Variants in CDH18 observed in about 807,000 individuals in gnomAD.
The protein encoded by CDH18 is cadherin-18.
A neutral mutation model predicts 67.9 loss-of-function variants in CDH18; 31 were observed. That is an observed-to-expected ratio of 0.46 (90% CI 0.34 to 0.62). The LOEUF is 0.62. CDH18 is among the 20% of genes least tolerant of loss of function. The pLI is 0.01. For synonymous variants in CDH18, 362 were observed against 347.2 expected (o/e 1.04, Z -0.48); for missense variants, 890 against 975.5 (o/e 0.91, Z 1.17).
chr5:19,562,451 C>CA (rs1159712054), intron 8 of CDH18, among the ~76,000 whole-genome samples: 9 of 151,996 alleles, frequency 5.9e-5, no homozygotes, highest in Admixed American at 5.9e-4. Context: ...AGAAAGCAAA[C>CA]AAAAAACAAA....
Position 19,844,279 on chromosome 5 carries a change from G to A in CDH18, c.-256-5037C>T, listed in dbSNP as rs530528664. Among the ~76,000 whole-genome samples, 16 of 152,226 alleles carry A rather than the reference G, an allele frequency of 1.1e-4. No individual in the cohort carries two copies. In the South Asian group the frequency reaches 2.9e-3, roughly 28 times the overall value. On this transcript the variant is annotated intron_variant, in intron 2 of 12. Transcript: ENST00000382275. ...TAATCCGAATTGCTATCCCCATTTT[G>A]GGGGAGGGACCTCATAGAAGGTGAC... is the stretch of plus-strand genomic sequence containing the variant.
intron 1 of CDH18, among the ~76,000 whole-genome samples, chr5:20,375,304 A>T (rs566301611): frequency 2.0e-5 from 3 of 152,330 alleles, no homozygotes; most frequent in African/African-American, 7.2e-5. Context: ...TCTGAATTCA[A>T]TTACTTCATA....
intron 9 of CDH18, among the ~76,000 whole-genome samples, chr5:19,539,840 TG>T (rs1749969439): frequency 6.6e-6 from 1 of 152,098 alleles, no homozygotes; most frequent in South Asian, 2.1e-4. Flanking sequence ...GTGGAAATTA[TG>T]GGAGCTACAA....
chr5:20,232,649 T>C (rs944695148), intron 2 of CDH18, among the ~76,000 whole-genome samples: 7 of 152,262 alleles, frequency 4.6e-5, no homozygotes, highest in East Asian at 1.9e-4. Flanking sequence ...ATATAAGTTA[T>C]ATTGAGACAA....
intron 2 of CDH18, among the ~76,000 whole-genome samples, chr5:20,218,589 T>C (rs1396433934): frequency 1.3e-5 from 2 of 152,048 alleles, no homozygotes; most frequent in African/African-American, 2.4e-5. Context: ...TTCCCATGTG[T>C]TGTGGGATGG....
intron 3 of CDH18, among the ~76,000 whole-genome samples, chr5:19,793,152 T>G (rs776215614): frequency 3.9e-5 from 6 of 152,086 alleles, no homozygotes; most frequent in Non-Finnish European, 8.8e-5. Flanking sequence ...CTACCAATAT[T>G]TTGCTGTTTT....
intron 2 of CDH18, among the ~76,000 whole-genome samples, chr5:20,208,828 A>T (rs1275985517): frequency 1.3e-5 from 2 of 152,102 alleles, no homozygotes; most frequent in Non-Finnish European, 2.9e-5. Flanking sequence ...CTCATTTGAC[A>T]AGGGACTAAT....
chr5:19,934,745 A>C (rs1435112057), intron 2 of CDH18, among the ~76,000 whole-genome samples: 4 of 151,444 alleles, frequency 2.6e-5, no homozygotes, highest in African/African-American at 9.7e-5. Flanking sequence ...GTTTATAGTT[A>C]TCATCTTTTT....
chr5:20,197,142 G>C (rs1474695786), intron 2 of CDH18, among the ~76,000 whole-genome samples: 1 of 152,118 alleles, frequency 6.6e-6, no homozygotes, highest in African/African-American at 2.4e-5. Flanking sequence ...CACCCAAGTA[G>C]GTGGGACTAC....
At chr5:19,551,941 C>G (rs999312670) in intron 8 of CDH18, among the ~76,000 whole-genome samples, 1 of 152,132 alleles carries the variant, frequency 6.6e-6, no homozygotes, top group Non-Finnish European at 1.5e-5. Flanking sequence ...CCAATAATAA[C>G]ACAGATGTAT....
Position 20,138,092 on chromosome 5 carries a change from A to G in CDH18, c.-518+117352T>C, listed in dbSNP as rs184828156. ...AAAATACTGGCAAACCGAATCCGGCAGCACATCAAAAAGCTTATCCACCAT... is the reference window on the plus strand; with the variant it reads ...AAAATACTGGCAAACCGAATCCGGCGGCACATCAAAAAGCTTATCCACCAT... On this transcript the variant is annotated intron_variant, in intron 2 of 14. Coordinates refer to the CDH18 transcript ENST00000507958. Among the ~76,000 whole-genome samples, 8 of 152,290 alleles carry G rather than the reference A, an allele frequency of 5.3e-5. No homozygotes were observed. In the East Asian group the frequency reaches 1.5e-3, roughly 29 times the overall value.
chr5:20,366,558 G>A (rs756461520), intron 1 of CDH18, among the ~76,000 whole-genome samples: 2 of 152,284 alleles, frequency 1.3e-5, no homozygotes, highest in Non-Finnish European at 2.9e-5. Flanking sequence ...CAGACTGCAC[G>A]GTTTGAGATC....
At chr5:20,428,112 C>T (rs1307872379) in intron 1 of CDH18, among the ~76,000 whole-genome samples, 1 of 150,768 alleles carries the variant, frequency 6.6e-6, no homozygotes, top group Non-Finnish European at 1.5e-5. Context: ...CACCCACCAA[C>T]AGGCCCTGGT....
At chr5:20,220,252 C>T (rs1038026509) in intron 2 of CDH18, among the ~76,000 whole-genome samples, 3 of 151,852 alleles carry the variant, frequency 2.0e-5, no homozygotes, top group Non-Finnish European at 4.4e-5. Context: ...GTAAGCAAAA[C>T]AACAATGTAG....
intron 5 of CDH18, among the ~76,000 whole-genome samples, chr5:19,633,852 G>A (rs893878643): frequency 6.6e-6 from 1 of 152,038 alleles, no homozygotes; most frequent in Non-Finnish European, 1.5e-5. Flanking sequence ...GGCTGGCCTC[G>A]AACTCCTGAG....
At chr5:19,782,995 G>A (rs1162826691) in intron 3 of CDH18, among the ~76,000 whole-genome samples, 1 of 152,148 alleles carries the variant, frequency 6.6e-6, no homozygotes, top group Non-Finnish European at 1.5e-5. Flanking sequence ...CTTGGGAGAA[G>A]TTTAATACTT....
chr5:20,438,399 A>G (rs1031453976), intron 1 of CDH18, among the ~76,000 whole-genome samples: 2 of 151,234 alleles, frequency 1.3e-5, no homozygotes, highest in Admixed American at 6.6e-5. Flanking sequence ...TTATTTGGAG[A>G]GATTGCTACC....
intron 4 of CDH18, among the ~76,000 whole-genome samples, chr5:19,736,775 C>G (rs1469370173): frequency 6.6e-6 from 1 of 152,048 alleles, no homozygotes; most frequent in Non-Finnish European, 1.5e-5. Context: ...TCGCAACTTC[C>G]ACAATATTCC....
chr5:20,355,972 A>T (rs1212041661), intron 1 of CDH18, among the ~76,000 whole-genome samples: 1 of 152,240 alleles, frequency 6.6e-6, no homozygotes, highest in Non-Finnish European at 1.5e-5. Flanking sequence ...TAAACTTCCT[A>T]CCCTAAATAC....
Sources: gnomAD v4.1 joint callset for allele counts (sites outside exome capture counted in the v4.1 genomes callset) on GRCh38, gnomAD v4.1.1 for gene constraint, MANE v1.5 for transcripts, NCBI Gene and HGNC (gene_info 2026-07-23, HGNC 2026-07-21) for gene names.